Variants in ITGB1 observed in about 807,000 individuals in gnomAD.
ITGB1 encodes the protein integrin beta-1.
In ITGB1, 24 loss-of-function variants were observed where a neutral mutation model predicts 86.5. That is an observed-to-expected ratio of 0.28 (90% confidence interval 0.20 to 0.39). ITGB1 has a LOEUF of 0.39. ITGB1 is among the 10% of genes least tolerant of loss of function. ITGB1 has a pLI of 1.00. For missense variants in ITGB1, 556 were observed against 946.9 expected, an observed-to-expected ratio of 0.59 and a Z score of 5.42; for synonymous variants, 323 against 316.8, an observed-to-expected ratio of 1.02 and a Z score of -0.21.
chr10:32,921,498 A>G (rs1321139443), intron 9 of ITGB1, among the ~76,000 whole-genome samples: 2 of 152,224 alleles, frequency 1.3e-5, no homozygotes, highest in Admixed American at 6.5e-5. Context: ...AAAAATGTCT[A>G]AAATTCAAGC....
intron 5 of ITGB1, among the ~76,000 whole-genome samples, chr10:32,926,376 C>T (rs1026359403): frequency 6.6e-6 from 1 of 152,144 alleles, no homozygotes; most frequent in Admixed American, 6.5e-5. Context: ...TATCTGTCCC[C>T]GCCCAAGTCT....
intron 1 of ITGB1, 199 bp from the exon 2 acceptor site, chr10:32,935,757 C>T (rs1436962050): frequency 8.9e-6 from 4 of 451,006 alleles, no homozygotes; most frequent in Non-Finnish European, 1.6e-5. Context: ...ACCTACACTG[C>T]GAAAATAACT....
At chr10:32,927,328 A>C (rs927009267) in intron 5 of ITGB1, among the ~76,000 whole-genome samples, 1 of 152,158 alleles carries the variant, frequency 6.6e-6, no homozygotes, top group Non-Finnish European at 1.5e-5. Flanking sequence ...AGAAGCAGGC[A>C]AAAAAGAGGT....
chr10:32,943,471 C>T (rs1344398152), intron 1 of ITGB1, among the ~76,000 whole-genome samples: 1 of 91,080 alleles, frequency 1.1e-5, no homozygotes, highest in Non-Finnish European at 2.1e-5. Flanking sequence ...AGGGCAGGTG[C>T]AAGAGGAAAG....
intron 11 of ITGB1, among the ~76,000 whole-genome samples, chr10:32,913,612 G>GA (rs925714940): frequency 3.3e-5 from 5 of 151,720 alleles, no homozygotes; most frequent in Admixed American, 6.6e-5. Flanking sequence ...GAAGTTTAGA[G>GA]AAAAAAAAGA....
chr10:32,923,783 T>C, intron 6 of ITGB1, 43 bp from the exon 7 acceptor site: 2 of 1,534,410 alleles, frequency 1.3e-6, no homozygotes. Context: ...CTATTCACAG[T>C]AATTCAACAA....
At chr10:32,935,257 C>A (rs1473802928) in intron 2 of ITGB1, among the ~76,000 whole-genome samples, 2 of 152,152 alleles carry the variant, frequency 1.3e-5, no homozygotes, top group African/African-American at 4.8e-5. Flanking sequence ...TGTGTTCAAT[C>A]CCTAGCATTT....
intron 11 of ITGB1, among the ~76,000 whole-genome samples, chr10:32,918,615 A>C (rs531208462): frequency 3.5e-4 from 53 of 152,340 alleles, no homozygotes; most frequent in African/African-American, 1.2e-3. Context: ...CAGGAAAGTA[A>C]CCATTTTGGT....
intron 11 of ITGB1, among the ~76,000 whole-genome samples, chr10:32,919,127 T>C (rs749087279): frequency 6.6e-6 from 1 of 152,236 alleles, no homozygotes; most frequent in Non-Finnish European, 1.5e-5. Context: ...AAATTGTTAC[T>C]TAGCACAGAC....
intron 6 of ITGB1, among the ~76,000 whole-genome samples, chr10:32,924,652 G>A (rs1403124922): frequency 1.3e-5 from 2 of 152,120 alleles, no homozygotes; most frequent in Non-Finnish European, 2.9e-5. Context: ...GCAGCCCAGA[G>A]AATGCCCTCC....
At chr10:32,950,259 G>GA (rs1017923129) in intron 1 of ITGB1, among the ~76,000 whole-genome samples, 1 of 152,106 alleles carries the variant, frequency 6.6e-6, no homozygotes, top group African/African-American at 2.4e-5. Flanking sequence ...GAGCCAAATT[G>GA]AAAGACATGA....
intron 3 of ITGB1, 71 bp downstream of exon 3, chr10:32,932,444 G>T: frequency 1.2e-6 from 1 of 824,140 alleles, no homozygotes; most frequent in Non-Finnish European, 2.1e-6. Context: ...ATGTGCTTCT[G>T]AAGGATACAG....
Position 32,922,668 on chromosome 10 carries a change from A to G in ITGB1, c.1010T>C (p.Val337Ala). The G allele has an allele frequency of 6.2e-7, 1 of 1,603,108 alleles. No individual in the cohort carries two copies. Among genetic ancestry groups the G allele is most frequent in the Non-Finnish European group, 8.5e-7 (1 of 1,171,340 alleles). ...SENNIQTIFA[V>A]TEEFQPVYKE... Reference sequence around the variant, plus strand: ...GTAAACAGGCTGAAATTCTTCAGTAACTGCAAAAATTGTCTGAATATTATT... The same window carrying G: ...GTAAACAGGCTGAAATTCTTCAGTAGCTGCAAAAATTGTCTGAATATTATT... Residue 337 changes from valine to alanine, a missense_variant, in exon 8 of 16, where the codon GTT (valine) becomes GCT (alanine). By Grantham distance (64) the Val-to-Ala change is moderately conservative (BLOSUM62 0). This residue lies in a region of ITGB1 where 330 missense variants were observed against 531.5 expected (regional missense o/e 0.62). Coordinates refer to ENST00000302278, the MANE Select transcript of ITGB1 (RefSeq NM_002211.4).
chr10:32,926,141 G>C (rs1180526575), intron 5 of ITGB1, 32 bp from the exon 6 acceptor site: 1 of 1,383,894 alleles, frequency 7.2e-7, no homozygotes, highest in Non-Finnish European at 1.0e-6. Context: ...ATAAATGAAT[G>C]AATGGATGGA....
intron 15 of ITGB1, among the ~76,000 whole-genome samples, chr10:32,904,635 G>A (rs1460729586): frequency 6.6e-6 from 1 of 152,058 alleles, no homozygotes; most frequent in African/African-American, 2.4e-5. Flanking sequence ...GCAAACCTTG[G>A]TCCATATCAG....
intron 1 of ITGB1, among the ~76,000 whole-genome samples, chr10:32,936,904 A>G (rs565127074): frequency 2.0e-5 from 3 of 152,366 alleles, no homozygotes; most frequent in African/African-American, 7.2e-5. Context: ...TTAAAGCAAC[A>G]TAAGATGAAC....
intron 5 of ITGB1, 53 bp downstream of exon 5, chr10:32,928,041 G>T (rs1014527610): frequency 1.0e-5 from 10 of 995,952 alleles, no homozygotes; most frequent in Middle Eastern, 2.2e-4. Context: ...AACAACATTT[G>T]AGAATTGCCA....
Position 32,925,948 on chromosome 10 carries a change from C to T in ITGB1, c.709G>A (p.Gly237Arg). ...AAATTTCCAGATATGCGCTGTTTTCCAACAAGTTCATTAAATACTTCTCCT... is the reference window on the plus strand; with the variant it reads ...AAATTTCCAGATATGCGCTGTTTTCTAACAAGTTCATTAAATACTTCTCCT... ...NKGEVFNELV[G>R]KQRISGNLDS... The change falls in exon 6 of 16, where the codon GGA becomes AGA. Residue 237 changes from glycine (G) to arginine (R), a missense_variant. Coordinates refer to ENST00000302278, the MANE Select transcript of ITGB1 (RefSeq NM_002211.4). 1 of 1,614,056 alleles carries T rather than the reference C, an allele frequency of 6.2e-7. No individual in the cohort carries two copies. Among genetic ancestry groups the T allele is most frequent in the Non-Finnish European group, 8.5e-7 (1 of 1,179,972 alleles).
rs986471320 is a variant in ITGB1, at chr10:32,908,334, A to C, written c.2331+34T>G. The C allele has an allele frequency of 2.5e-6, 4 of 1,600,500 alleles. No individual in the cohort carries two copies. In the Admixed American group the frequency reaches 6.7e-5, roughly 27 times the overall value. On this transcript the variant is annotated intron_variant, in intron 15 of 15. Coordinates refer to ENST00000302278, the MANE Select transcript of ITGB1 (RefSeq NM_002211.4). The stretch of plus-strand genomic sequence containing the variant: ...TTAGGAGTATTACATTTACTTTATA[A>C]GCCACTTTGCTTTTTGGATGTTTTG...
Sources: gnomAD v4.1 joint callset for allele counts (sites outside exome capture counted in the v4.1 genomes callset) on GRCh38, gnomAD v4.1.1 for gene constraint, gnomAD v4.1.1 regional missense constraint, MANE v1.5 for transcripts, NCBI Gene and HGNC (gene_info 2026-07-23, HGNC 2026-07-21) for gene names.